Variants in VAT1L observed in about 807,000 individuals in gnomAD.
VAT1L encodes the protein putative NADPH-dependent quinone oxidoreductase VAT1L.
A neutral mutation model predicts 44.1 loss-of-function variants in VAT1L; 34 were observed. The ratio of observed to expected loss-of-function variants is 0.77; its 90% CI spans 0.59 to 1.03. VAT1L has a LOEUF of 1.03. Among genes scored for constraint, VAT1L ranks in the 50% least tolerant of loss-of-function variants. VAT1L has a pLI of 0.00. For missense variants in VAT1L, 615 were observed against 538.8 expected (o/e 1.14, Z -1.40); for synonymous variants, 253 against 202.2 (o/e 1.25, Z -2.13).
chr16:77,847,914 T>C (rs2016773071), intron 3 of VAT1L, among the ~76,000 whole-genome samples: 1 of 152,200 alleles, frequency 6.6e-6, no homozygotes, highest in South Asian at 2.1e-4. Flanking sequence ...CTGCTGATGT[T>C]CAAGTGGAAG....
rs115974406 is a variant in VAT1L at position 77,799,748 on chromosome 16, T to C, written c.233+10833T>C. ...CTGGAGAAGTCAGGTCCATTCCCTC[T>C]CCTGTGATTGTACCTTTCTTACCAC... On this transcript the variant is annotated intron_variant, in intron 1 of 8. Coordinates refer to ENST00000302536, the MANE Select transcript of VAT1L (RefSeq NM_020927.3). Among the ~76,000 whole-genome samples, 699 of 152,260 alleles carry C rather than the reference T, an allele frequency of 4.6e-3. 10 individuals are homozygous for C. Among genetic ancestry groups the C allele is most frequent in the African/African-American group, 0.016 (649 of 41,530 alleles).
chr16:77,950,060 C>A (rs2018022563), intron 7 of VAT1L, among the ~76,000 whole-genome samples: 1 of 152,146 alleles, frequency 6.6e-6, no homozygotes, highest in African/African-American at 2.4e-5. Context: ...CTCATAATCA[C>A]TTTTAATAAC....
At chr16:77,901,678 A>G (rs2017385400) in intron 7 of VAT1L, among the ~76,000 whole-genome samples, 1 of 152,258 alleles carries the variant, frequency 6.6e-6, no homozygotes, top group East Asian at 1.9e-4. Context: ...ACCCCATGGC[A>G]GACATCACTA....
At chr16:77,900,088 C>G (rs1201208356) in intron 7 of VAT1L, among the ~76,000 whole-genome samples, 2 of 152,154 alleles carry the variant, frequency 1.3e-5, no homozygotes, top group Non-Finnish European at 2.9e-5. Flanking sequence ...CATTTACTTG[C>G]CTTTGTGGGG....
chr16:77,940,344 T>TG (rs1235974522), intron 7 of VAT1L, among the ~76,000 whole-genome samples: 1 of 145,036 alleles, frequency 6.9e-6, no homozygotes, highest in East Asian at 2.0e-4. Context: ...CACTTGGTTT[T>TG]TTTTTTTTTT....
At chr16:77,943,297 T>C (rs1014211816) in intron 7 of VAT1L, among the ~76,000 whole-genome samples, 1 of 151,508 alleles carries the variant, frequency 6.6e-6, no homozygotes, top group African/African-American at 2.4e-5. Context: ...CCTCAGGTGA[T>C]CCACCCGCCT....
chr16:77,967,268 C>G (rs563644343), intron 7 of VAT1L, among the ~76,000 whole-genome samples: 2 of 152,136 alleles, frequency 1.3e-5, no homozygotes, highest in Non-Finnish European at 2.9e-5. Flanking sequence ...ATCTGTGAAA[C>G]TGTGGTGCTT....
chr16:77,833,532 C>G (rs1365497451), intron 3 of VAT1L, among the ~76,000 whole-genome samples: 2 of 151,826 alleles, frequency 1.3e-5, no homozygotes, highest in Admixed American at 6.6e-5. Flanking sequence ...GCGGGCAGAT[C>G]ACGAGGTCAG....
At chr16:77,830,148 C>T (rs1160416481) in intron 3 of VAT1L, among the ~76,000 whole-genome samples, 1 of 152,066 alleles carries the variant, frequency 6.6e-6, no homozygotes, top group Non-Finnish European at 1.5e-5. Flanking sequence ...CCACCCTGAC[C>T]TTCTCACTCT....
At chr16:77,871,363 G>A (rs1368931684) in intron 4 of VAT1L, among the ~76,000 whole-genome samples, 2 of 152,078 alleles carry the variant, frequency 1.3e-5, no homozygotes, top group African/African-American at 4.8e-5. Flanking sequence ...GGCATGGACG[G>A]GGGCAGGTGG....
At chr16:77,843,805 C>T (rs908419230) in intron 3 of VAT1L, among the ~76,000 whole-genome samples, 5 of 152,196 alleles carry the variant, frequency 3.3e-5, no homozygotes, top group Admixed American at 6.5e-5. Context: ...CTCAGGGTCC[C>T]TCCCCAGCCA....
At chr16:77,855,427 G>T (rs1403949437) in intron 3 of VAT1L, among the ~76,000 whole-genome samples, 1 of 151,340 alleles carries the variant, frequency 6.6e-6, no homozygotes, top group Non-Finnish European at 1.5e-5. Flanking sequence ...CTTGACCACA[G>T]GTGAGTCCTT....
chr16:77,905,707 T>G (rs2017429794), intron 7 of VAT1L, among the ~76,000 whole-genome samples: 2 of 152,194 alleles, frequency 1.3e-5, no homozygotes, highest in African/African-American at 4.8e-5. Context: ...CATACGTTAT[T>G]TGCTTTGCAA....
chr16:77,793,120 CTT>C (rs747045937), intron 1 of VAT1L, among the ~76,000 whole-genome samples: 66 of 152,088 alleles, frequency 4.3e-4, no homozygotes, highest in Non-Finnish European at 7.3e-4. Context: ...AACTGGAACT[CTT>C]ATATTTTGAG....
rs141310236 is a variant in VAT1L at position 77,883,837 on chromosome 16, G to C, written c.883-771G>C. 9.9e-5 allele frequency among the ~76,000 whole-genome samples: 15 copies of C among 152,156 alleles called. No homozygotes were observed. The East Asian group carries it at 2.9e-3, about 29-fold the overall frequency. ...TAGCCTTATCAAAACCACTCCCCCA[G>C]GAAAGCTGCTTCTGCAGTCAGAGTG... On this transcript the variant is annotated intron_variant, in intron 6 of 8. Coordinates refer to ENST00000302536, the MANE Select transcript of VAT1L (RefSeq NM_020927.3).
chr16:77,923,278 G>A (rs553956102), intron 7 of VAT1L, among the ~76,000 whole-genome samples: 8 of 152,256 alleles, frequency 5.3e-5, no homozygotes, highest in Admixed American at 1.3e-4. Flanking sequence ...GTGAAACCCC[G>A]TATCTACCAA....
chr16:77,945,894 C>G (rs1442576848), intron 7 of VAT1L, among the ~76,000 whole-genome samples: 2 of 151,442 alleles, frequency 1.3e-5, no homozygotes, highest in African/African-American at 4.9e-5. Flanking sequence ...CCTCTGCTTC[C>G]CGGTTCAAGT....
chr16:77,789,044 C>A, intron 1 of VAT1L, 129 bp downstream of exon 1: 1 of 1,191,490 alleles, frequency 8.4e-7, no homozygotes, highest in South Asian at 1.6e-5. Flanking sequence ...CGCCCTCACC[C>A]GGGTCTCAGA....
chr16:77,803,413 C>T (rs77754840), intron 1 of VAT1L, among the ~76,000 whole-genome samples: 171 of 127,662 alleles, frequency 1.3e-3, no homozygotes, highest in African/African-American at 4.9e-3. Flanking sequence ...TTTTACTAGA[C>T]ATTCTTTTTT....
Sources: gnomAD v4.1 joint callset for allele counts (sites outside exome capture counted in the v4.1 genomes callset) on GRCh38, gnomAD v4.1.1 for gene constraint, MANE v1.5 for transcripts, NCBI Gene and HGNC (gene_info 2026-07-23, HGNC 2026-07-21) for gene names.